The following DNER variants were observed in gnomAD, a reference collection of about 807,000 sequenced individuals.
The protein encoded by DNER is delta/notch like EGF repeat containing, also known as delta and Notch-like epidermal growth factor-related receptor.
Under a neutral mutation model 78.2 loss-of-function variants are expected in DNER, and 33 were observed. The ratio of observed to expected loss-of-function variants is 0.42; its 90% CI spans 0.32 to 0.56. The LOEUF (loss-of-function observed/expected upper bound fraction) is 0.56. DNER is among the 20% of genes least tolerant of loss of function. The pLI, the probability that DNER is intolerant of heterozygous loss-of-function variation, is 0.11. For missense variants in DNER, 918 were observed against 975.3 expected (o/e 0.94, Z 0.78); for synonymous variants, 417 against 384.8 (o/e 1.08, Z -0.98).
chr2:229,501,417 T>C (rs910378948), intron 6 of DNER, among the ~76,000 whole-genome samples: 26 of 151,738 alleles, frequency 1.7e-4, no homozygotes, highest in Non-Finnish European at 2.8e-4. Flanking sequence ...TCATGCATTC[T>C]AGATTACCCA....
intron 10 of DNER, among the ~76,000 whole-genome samples, chr2:229,399,211 G>A (rs1037769626): frequency 1.3e-5 from 2 of 149,892 alleles, no homozygotes; most frequent in African/African-American, 4.9e-5. Context: ...AGTTCAGCAA[G>A]GTCACAGGAT....
intron 8 of DNER, among the ~76,000 whole-genome samples, chr2:229,419,296 ATG>A (rs1225607696): frequency 6.6e-6 from 1 of 152,230 alleles, no homozygotes; most frequent in East Asian, 1.9e-4. Flanking sequence ...TTTTGAAAAC[ATG>A]TGTTACTGCC....
At chr2:229,714,112 C>G in intron 1 of DNER, 36 bp downstream of exon 1, 1 of 1,274,210 alleles carries the variant, frequency 7.8e-7, no homozygotes, top group Non-Finnish European at 9.9e-7. Context: ...TGGTCCCGGA[C>G]CAGCGCCCCG....
At chr2:229,693,663 A>G (rs1306663392) in intron 1 of DNER, among the ~76,000 whole-genome samples, 1 of 152,216 alleles carries the variant, frequency 6.6e-6, no homozygotes, top group Non-Finnish European at 1.5e-5. Flanking sequence ...AGAGACTGGC[A>G]GCATTTTGCC....
chr2:229,582,341 G>A (rs1461499792), intron 4 of DNER, among the ~76,000 whole-genome samples: 1 of 152,132 alleles, frequency 6.6e-6, no homozygotes, highest in Non-Finnish European at 1.5e-5. Flanking sequence ...AGCAGCTGGC[G>A]GTGTGGAGGT....
intron 5 of DNER, among the ~76,000 whole-genome samples, chr2:229,528,036 C>T (rs1430704487): frequency 6.6e-6 from 1 of 152,244 alleles, no homozygotes; most frequent in Non-Finnish European, 1.5e-5. Flanking sequence ...GTGAATGGAG[C>T]ATGTGCTAAT....
chr2:229,669,795 C>T (rs1253894909), intron 1 of DNER, among the ~76,000 whole-genome samples: 1 of 152,078 alleles, frequency 6.6e-6, no homozygotes, highest in Non-Finnish European at 1.5e-5. Context: ...CAAGAATATA[C>T]CTTAGAAGTA....
intron 1 of DNER, among the ~76,000 whole-genome samples, chr2:229,692,664 G>T (rs920465585): frequency 6.6e-6 from 1 of 152,052 alleles, no homozygotes; most frequent in African/African-American, 2.4e-5. Context: ...TGGTTTTGGG[G>T]TTCATCTTAA....
rs1346030266 is a variant in DNER, at chr2:229,714,415, G to A, written c.9C>T (p.Pro3=). MQ[P]RRAQAPGAQL... ...GCGCACCGGGCGCCTGGGCGCGGCG[G>A]GGCTGCATGGCCGGCCGGGAGGGCG... Residue 3 remains proline (P), a synonymous_variant, in exon 1 of 13, where the codon CCC becomes CCT. Transcript: ENST00000341772. 1.0e-5 allele frequency: 12 copies of A among 1,154,918 alleles called. No individual in the cohort carries two copies. The African/African-American group carries it at 1.6e-4, about 16-fold the overall frequency. 71.5% of individuals were successfully genotyped at this position (1,154,918 alleles called of 1,614,324 possible).
At chr2:229,498,452 C>T (rs535186349) in intron 6 of DNER, among the ~76,000 whole-genome samples, 186 of 152,260 alleles carry the variant, frequency 1.2e-3, no homozygotes, top group African/African-American at 4.1e-3. Context: ...AAATAAAACG[C>T]TTCCAAATCA....
intron 1 of DNER, among the ~76,000 whole-genome samples, chr2:229,601,975 G>A (rs1337665376): frequency 6.6e-6 from 1 of 150,678 alleles, no homozygotes; most frequent in African/African-American, 2.4e-5. Flanking sequence ...ACTGACATAG[G>A]CACACCAGCC....
At chr2:229,472,876 T>A (rs1045741199) in intron 7 of DNER, among the ~76,000 whole-genome samples, 8 of 152,142 alleles carry the variant, frequency 5.3e-5, no homozygotes, top group Non-Finnish European at 1.0e-4. Flanking sequence ...ACAGAACCTG[T>A]TGATGAAGGA....
intron 1 of DNER, among the ~76,000 whole-genome samples, chr2:229,627,719 A>G (rs1407250865): frequency 6.6e-6 from 1 of 152,204 alleles, no homozygotes; most frequent in Non-Finnish European, 1.5e-5. Flanking sequence ...GTGACCAGCA[A>G]GTTTACTGTA....
Position 229,714,470 on chromosome 2 carries a change from C to A in DNER, c.-47G>T. 1 of 1,097,502 alleles carries A rather than the reference C, an allele frequency of 9.1e-7. No homozygotes were observed. Among genetic ancestry groups the A allele is most frequent in the East Asian group, 5.9e-5 (1 of 16,808 alleles). The allele number at this position is 1,097,502 out of a possible 1,614,324, so 68.0% of individuals were successfully genotyped here. A position where few individuals can be genotyped will look rare whatever the true frequency, so the allele number is the denominator to read the frequency against. ...AGCCGGAGCCAGGACGCAGTGACGG[C>A]GGCGGCGGTGGCAGTGGCGACGAGA... On this transcript the variant is annotated 5_prime_UTR_variant, in exon 1 of 13. Coordinates refer to ENST00000341772, the MANE Select transcript of DNER (RefSeq NM_139072.4).
At chr2:229,529,469 C>T (rs1696264438) in intron 5 of DNER, among the ~76,000 whole-genome samples, 1 of 152,206 alleles carries the variant, frequency 6.6e-6, no homozygotes, top group Non-Finnish European at 1.5e-5. Flanking sequence ...TTCATCATCA[C>T]TTCAGCTGGT....
At chr2:229,363,811 G>T (rs1692271535) in intron 12 of DNER, among the ~76,000 whole-genome samples, 1 of 152,036 alleles carries the variant, frequency 6.6e-6, no homozygotes, top group Non-Finnish European at 1.5e-5. Context: ...CACCACTTGA[G>T]CCCTGAAGGA....
chr2:229,469,606 C>G (rs1293011702), intron 7 of DNER, among the ~76,000 whole-genome samples: 2 of 152,208 alleles, frequency 1.3e-5, no homozygotes, highest in Non-Finnish European at 1.5e-5. Context: ...GCAAAGTCTA[C>G]TTGAGCCTCA....
intron 5 of DNER, among the ~76,000 whole-genome samples, chr2:229,536,317 G>A (rs1412324925): frequency 6.6e-6 from 1 of 152,180 alleles, no homozygotes; most frequent in Admixed American, 6.5e-5. Context: ...GGACGCATCC[G>A]TGTCCTCACC....
chr2:229,629,642 G>A (rs578043641), intron 1 of DNER, among the ~76,000 whole-genome samples: 4 of 152,222 alleles, frequency 2.6e-5, no homozygotes, highest in African/African-American at 4.8e-5. Context: ...TTCTTATTAC[G>A]AAGACTTGGA....
Sources: allele counts gnomAD v4.1 joint callset (sites outside exome capture counted in the v4.1 genomes callset), GRCh38; gene constraint gnomAD v4.1.1; transcripts MANE v1.5; gene names NCBI Gene and HGNC (gene_info 2026-07-23, HGNC 2026-07-21).